The following NTRK3 variants were observed in gnomAD, a reference collection of about 807,000 sequenced individuals.
The protein encoded by NTRK3 is neurotrophic receptor tyrosine kinase 3.
Under a neutral mutation model 91.7 loss-of-function variants are expected in NTRK3, and 24 were observed. The ratio of observed to expected loss-of-function variants is 0.26; its 90% confidence interval spans 0.19 to 0.37. The LOEUF is 0.37. Among genes scored for constraint, NTRK3 ranks in the 10% least tolerant of loss-of-function variants. NTRK3 has a pLI of 1.00. For synonymous variants in NTRK3, 483 were observed against 404.0 expected, an observed-to-expected ratio of 1.20 and a Z score of -2.34; for missense variants, 880 against 1,068.9, an observed-to-expected ratio of 0.82 and a Z score of 2.46.
In NTRK3 at chr15:87,921,288, C is replaced by T. The variant is rs556160806; in HGVS notation, c.2133+7903G>A. Among the ~76,000 whole-genome samples the T allele has an allele frequency of 1.1e-4, 17 of 152,294 alleles. No homozygotes were observed. The South Asian group carries it at 3.5e-3, about 32-fold the overall frequency. Reference sequence around the variant, plus strand: ...CAATAAACAGAGTCTGGTCACTGGACAACCAGTACAAGAACCTCATCTCCT... The same window carrying T: ...CAATAAACAGAGTCTGGTCACTGGATAACCAGTACAAGAACCTCATCTCCT... On this transcript the variant is annotated intron_variant, in intron 17 of 18. Coordinates refer to ENST00000394480, the Ensembl canonical transcript of NTRK3.
chr15:87,988,284 G>C (rs1470353110), intron 14 of NTRK3, among the ~76,000 whole-genome samples: 1 of 152,218 alleles, frequency 6.6e-6, no homozygotes, highest in Non-Finnish European at 1.5e-5. Flanking sequence ...CAAGGACAAG[G>C]AAAGTCTAAG....
intron 17 of NTRK3, among the ~76,000 whole-genome samples, chr15:87,919,441 C>G (rs979167856): frequency 6.6e-6 from 1 of 152,210 alleles, no homozygotes; most frequent in African/African-American, 2.4e-5. Flanking sequence ...GTCATCTTCT[C>G]TCCAGATTGC....
At chr15:88,007,282 T>C (rs1038085355) in intron 14 of NTRK3, among the ~76,000 whole-genome samples, 5 of 152,224 alleles carry the variant, frequency 3.3e-5, no homozygotes, top group Admixed American at 6.5e-5. Flanking sequence ...ACATAACCAG[T>C]AGTCGGCAGG....
At chr15:88,078,793 G>C (rs1397434728) in intron 13 of NTRK3, among the ~76,000 whole-genome samples, 1 of 152,248 alleles carries the variant, frequency 6.6e-6, no homozygotes, top group Non-Finnish European at 1.5e-5. Context: ...GGCAGAGGGA[G>C]ACACAGGGCA....
chr15:87,987,068 G>T (rs190489149), intron 14 of NTRK3, among the ~76,000 whole-genome samples: 1 of 152,254 alleles, frequency 6.6e-6, no homozygotes, highest in African/African-American at 2.4e-5. Context: ...TCAGCTGGTA[G>T]TTGGGTAAAA....
chr15:88,012,824 A>C (rs1330633364), intron 14 of NTRK3, among the ~76,000 whole-genome samples: 2 of 152,230 alleles, frequency 1.3e-5, no homozygotes, highest in Non-Finnish European at 2.9e-5. Flanking sequence ...CAGAGGGCTT[A>C]TTGAAATGCA....
chr15:88,229,171 C>T (rs907860555), intron 3 of NTRK3, among the ~76,000 whole-genome samples: 1 of 152,178 alleles, frequency 6.6e-6, no homozygotes, highest in African/African-American at 2.4e-5. Context: ...TTTAAGCCAC[C>T]AAGCCAGTTT....
chr15:88,097,004 T>A (rs1331258314), intron 13 of NTRK3, among the ~76,000 whole-genome samples: 2 of 151,876 alleles, frequency 1.3e-5, no homozygotes, highest in East Asian at 3.9e-4. Context: ...AAGAAGAGAG[T>A]CTGGTAGTGC....
chr15:88,073,008 G>A (rs1171786113), intron 13 of NTRK3: 16 of 197,560 alleles, frequency 8.1e-5, no homozygotes, highest in Non-Finnish European at 1.6e-4. Flanking sequence ...TTTGACAGAT[G>A]GGAAAAATGG....
intron 10 of NTRK3, 70 bp from the exon 11 acceptor site, chr15:88,128,804 T>TA: frequency 7.3e-7 from 1 of 1,363,438 alleles, no homozygotes; most frequent in Non-Finnish European, 1.1e-6. Flanking sequence ...TACTTGGTCC[T>TA]AATAGCTATG....
chr15:87,909,669 C>G (rs554643342), intron 17 of NTRK3, among the ~76,000 whole-genome samples: 2 of 152,254 alleles, frequency 1.3e-5, no homozygotes, highest in South Asian at 4.1e-4. Context: ...AAGTCCTAAC[C>G]CCAAGTTCTT....
chr15:88,216,920 C>G (rs78976306), intron 3 of NTRK3, among the ~76,000 whole-genome samples: 2,566 of 152,224 alleles, frequency 0.017, 31 homozygotes, highest in Non-Finnish European at 0.026. Context: ...TTGGTGGTGA[C>G]CCCAAAGTAC....
At chr15:88,172,583 G>A (rs2045618611) in intron 5 of NTRK3, among the ~76,000 whole-genome samples, 1 of 152,192 alleles carries the variant, frequency 6.6e-6, no homozygotes. Flanking sequence ...CAGTCCAGGG[G>A]ATTCTAGAGA....
chr15:87,987,884 T>C (rs960835564), intron 14 of NTRK3, among the ~76,000 whole-genome samples: 36 of 151,046 alleles, frequency 2.4e-4, no homozygotes, highest in African/African-American at 8.5e-4. Flanking sequence ...CTCAAAATAA[T>C]AATAATAATA....
In NTRK3 at chr15:88,233,488, G is replaced by A. The variant is rs115813353; in HGVS notation, c.248+22418C>T. Among the ~76,000 whole-genome samples, 735 of 152,224 alleles carry A rather than the reference G, an allele frequency of 4.8e-3. 2 individuals carry two copies. Among genetic ancestry groups the A allele is most frequent in the African/African-American group, 0.017 (710 of 41,532 alleles). ...AGTTAGCACACTGAAACCACAGTTA[G>A]CATCCTCGAAAGAGCAAATCCCAAG... On this transcript the variant is annotated intron_variant, in intron 3 of 18. Coordinates refer to ENST00000394480, the Ensembl canonical transcript of NTRK3. This position sits in a 1 kb window ranked among gnomAD's most constrained non-coding sequence, Gnocchi z 4.2.
chr15:88,173,321 C>G (rs550998442), intron 5 of NTRK3, among the ~76,000 whole-genome samples: 2 of 152,198 alleles, frequency 1.3e-5, no homozygotes, highest in Non-Finnish European at 2.9e-5. Context: ...TGGCCCATAT[C>G]CCCTTCTTTC....
At chr15:88,219,758 G>A (rs1019278707) in intron 3 of NTRK3, among the ~76,000 whole-genome samples, 5 of 152,168 alleles carry the variant, frequency 3.3e-5, no homozygotes, top group East Asian at 1.9e-4. Context: ...TGCCTAACAC[G>A]CACTGAGCAC....
At chr15:87,977,744 C>T (rs2073851030) in intron 14 of NTRK3, 1 of 231,608 alleles carries the variant, frequency 4.3e-6, no homozygotes, top group Admixed American at 5.7e-5. Context: ...GAGGCTGCCC[C>T]AGATACTGGG....
intron 5 of NTRK3, among the ~76,000 whole-genome samples, chr15:88,183,066 C>T (rs2151609780): frequency 6.9e-6 from 1 of 144,598 alleles, no homozygotes; most frequent in Middle Eastern, 3.5e-3. Context: ...TATGGGCCTA[C>T]TTATGGTCTC....
Sources: gnomAD v4.1 joint callset for allele counts (sites outside exome capture counted in the v4.1 genomes callset) on GRCh38, gnomAD v4.1.1 for gene constraint, Gnocchi (gnomAD v3.1) non-coding constraint, MANE v1.5 for transcripts, NCBI Gene and HGNC (gene_info 2026-07-23, HGNC 2026-07-21) for gene names.